FAM117A: variants seen among roughly 807,000 people sequenced by gnomAD.
The protein encoded by FAM117A is protein FAM117A.
Under a neutral mutation model 44.1 loss-of-function variants are expected in FAM117A, and 21 were observed. That is an observed-to-expected ratio of 0.48 (90% CI 0.34 to 0.69). The LOEUF is 0.69. Ranked by LOEUF, FAM117A falls within the 30% of genes least tolerant of loss-of-function variation. The pLI is 0.01. For missense variants in FAM117A, 498 were observed against 589.9 expected (o/e 0.84, Z 1.61); for synonymous variants, 220 against 238.3 (o/e 0.92, Z 0.71).
intron 7 of FAM117A, among the ~76,000 whole-genome samples, chr17:49,712,961 C>G (rs2073485409): frequency 6.6e-6 from 1 of 152,216 alleles, no homozygotes; most frequent in African/African-American, 2.4e-5. Context: ...ACTGCAGCCT[C>G]AAACTCCTAG....
upstream of FAM117A, among the ~76,000 whole-genome samples, chr17:49,764,570 CTT>C (rs1322656375): frequency 1.3e-5 from 2 of 152,194 alleles, no homozygotes; most frequent in African/African-American, 2.4e-5. Context: ...CAGTGTCAAA[CTT>C]TACACAGTTG....
Position 49,734,431 on chromosome 17 carries a change from C to CA in FAM117A, c.197-1712dup, listed in dbSNP as rs539365993. Among the ~76,000 whole-genome samples, 305 of 139,796 alleles carry CA rather than the reference C, an allele frequency of 2.2e-3. 5 individuals are homozygous for CA. In the East Asian group the frequency reaches 0.04, roughly 18 times the overall value. 91.7% of individuals were successfully genotyped at this position (139,796 alleles called of 152,430 possible). On this transcript the variant is annotated intron_variant, in intron 1 of 7. Transcript: ENST00000240364. ...CACAGTGAAACCCCGTCTCTAAAAA[C>CA]AAAAAAAAAAATTACCCGGGCTTGG...
At chr17:49,745,959 C>G (rs2073652953) in intron 1 of FAM117A, among the ~76,000 whole-genome samples, 2 of 152,170 alleles carry the variant, frequency 1.3e-5, no homozygotes, top group Admixed American at 1.3e-4. Context: ...GCCACAATTA[C>G]TTTTGTACCA....
chr17:49,756,004 A>C (rs958375454), intron 1 of FAM117A, among the ~76,000 whole-genome samples: 2 of 152,204 alleles, frequency 1.3e-5, no homozygotes, highest in Non-Finnish European at 2.9e-5. Context: ...GCCTACTCTT[A>C]AAAAGGCAGG....
At position 49,711,009 on chromosome 17, in the gene FAM117A, A is replaced by C. The variant is rs2073474471; in HGVS notation, c.*246T>G. 2.5e-6 allele frequency: 1 copy of C among 404,998 alleles called. No individual in the cohort carries two copies. The highest frequency in any genetic ancestry group is 2.1e-5 in the African/African-American group (1 of 48,458). The allele number at this position is 404,998 out of a possible 1,614,324, so 25.1% of individuals were successfully genotyped here. On this transcript the variant is annotated 3_prime_UTR_variant, in exon 8 of 8. Transcript: ENST00000240364. ...CTGGGTGTTTTCCACCAAGTGAGGG[A>C]TGTGGCAGGTACACAGGTGTGAATT...
chr17:49,744,968 C>T (rs748907996), intron 1 of FAM117A, among the ~76,000 whole-genome samples: 3 of 142,734 alleles, frequency 2.1e-5, no homozygotes, highest in Non-Finnish European at 4.5e-5. Context: ...GAGCTGTGAT[C>T]GCATCACTGC....
chr17:49,746,352 C>T (rs2073654265), intron 1 of FAM117A, among the ~76,000 whole-genome samples: 1 of 152,170 alleles, frequency 6.6e-6, no homozygotes, highest in African/African-American at 2.4e-5. Flanking sequence ...TCAAATCACT[C>T]CTCAGAAAGG....
intron 1 of FAM117A, among the ~76,000 whole-genome samples, chr17:49,773,167 T>G (rs929390457): frequency 6.6e-5 from 10 of 151,938 alleles, no homozygotes; most frequent in African/African-American, 2.4e-4. Context: ...TAGCCAGGCG[T>G]GGTGGTGGGC....
At chr17:49,759,214 T>C (rs2073712326) in intron 1 of FAM117A, among the ~76,000 whole-genome samples, 1 of 152,242 alleles carries the variant, frequency 6.6e-6, no homozygotes, top group African/African-American at 2.4e-5. Flanking sequence ...CTTCTCGTAC[T>C]ATATAATCCT....
At chr17:49,719,547 C>G in intron 5 of FAM117A, 1 of 515,316 alleles carries the variant, frequency 1.9e-6, no homozygotes, top group Non-Finnish European at 3.2e-6. Flanking sequence ...TGTCTTTGTA[C>G]TCACCACCAC....
intron 1 of FAM117A, among the ~76,000 whole-genome samples, chr17:49,733,285 G>A (rs867697202): frequency 9.2e-5 from 14 of 152,198 alleles, no homozygotes; most frequent in Admixed American, 3.3e-4. Flanking sequence ...TTCAATTATC[G>A]AGGATTGAGG....
chr17:49,717,537 G>C lies in FAM117A; in HGVS notation c.886C>G (p.Leu296Val). The change falls in exon 6 of 8, where the codon CTG (leucine) becomes GTG (valine). Residue 296 changes from leucine (L) to valine (V), a missense_variant. Leu to Val is a conservative substitution (Grantham distance 32). Coordinates refer to ENST00000240364, the MANE Select transcript of FAM117A (RefSeq NM_030802.4). ...CCTTTGTCGTTGGGGGTGGATGCCA[G>C]CTCCTCGGCGGCACCCCGATGTTCC... ...HEEHRGAAEELASTPNDKASS... is the reference protein window; with the variant it reads ...HEEHRGAAEEVASTPNDKASS... The C allele has an allele frequency of 1.2e-6, 2 of 1,614,074 alleles. No homozygotes were observed. Among genetic ancestry groups the C allele is most frequent in the Non-Finnish European group, 1.7e-6 (2 of 1,179,970 alleles).
At chr17:49,724,941 C>G (rs2073553239) in intron 2 of FAM117A, among the ~76,000 whole-genome samples, 1 of 152,170 alleles carries the variant, frequency 6.6e-6, no homozygotes, top group Non-Finnish European at 1.5e-5. Flanking sequence ...CCCCACCTCT[C>G]TCCGCTCAGC....
chr17:49,734,353 G>A (rs950969753), intron 1 of FAM117A, among the ~76,000 whole-genome samples: 22 of 151,984 alleles, frequency 1.4e-4, no homozygotes, highest in Non-Finnish European at 2.5e-4. Context: ...AGCACTTTGG[G>A]AGGCCGAGGC....
chr17:49,779,339 C>A (rs1156736094), intron 1 of FAM117A, among the ~76,000 whole-genome samples: 1 of 152,226 alleles, frequency 6.6e-6, no homozygotes, highest in Non-Finnish European at 1.5e-5. Context: ...TCATGACGGT[C>A]TAAGCTGCTA....
At chr17:49,741,222 T>C (rs1302957680) in intron 1 of FAM117A, among the ~76,000 whole-genome samples, 1 of 152,232 alleles carries the variant, frequency 6.6e-6, no homozygotes, top group African/African-American at 2.4e-5. Context: ...CATTTTCTCA[T>C]GGCATCAAGA....
rs112112119 is a variant in FAM117A at position 49,753,618 on chromosome 17, C to G, written c.196+10274G>C. On this transcript the variant is annotated intron_variant, in intron 1 of 7. Transcript: ENST00000240364. ...ACCACCTGAGGTCAGGAGTTCGAGA[C>G]CAGCCTGGCCAACATGGTGAAACCC... Among the ~76,000 whole-genome samples the G allele has an allele frequency of 8.6e-3, 1,311 of 152,230 alleles. 19 individuals carry two copies. Among genetic ancestry groups the G allele is most frequent in the African/African-American group, 0.03 (1,234 of 41,520 alleles).
chr17:49,722,060 C>T (rs1370620714), intron 3 of FAM117A, among the ~76,000 whole-genome samples: 1 of 152,186 alleles, frequency 6.6e-6, no homozygotes, highest in Non-Finnish European at 1.5e-5. Context: ...GATCGTGCCA[C>T]TGTACTCCAG....
rs546745100 is a variant in FAM117A at position 49,719,186 on chromosome 17, G to A, written c.708+574C>T. ...CTGAGGCAGAGAACTGCTTGAACCC[G>A]GGAGGCGGAGGTTGCGGTGAGCTGA... On this transcript the variant is annotated intron_variant, in intron 5 of 7. Transcript: ENST00000240364. 7.9e-5 allele frequency among the ~76,000 whole-genome samples: 12 copies of A among 152,184 alleles called. No individual in the cohort carries two copies. In the East Asian group the frequency reaches 1.6e-3, roughly 20 times the overall value.
Sources: allele counts gnomAD v4.1 joint callset (sites outside exome capture counted in the v4.1 genomes callset), GRCh38; gene constraint gnomAD v4.1.1; transcripts MANE v1.5; gene names NCBI Gene and HGNC (gene_info 2026-07-23, HGNC 2026-07-21).